Variants in KIF24 observed in about 807,000 individuals in gnomAD.
KIF24 encodes the protein kinesin family member 24.
A neutral mutation model predicts 118.9 loss-of-function variants in KIF24; 81 were observed. The observed-to-expected ratio is 0.68, with a 90% CI of 0.57 to 0.82. KIF24 has a LOEUF of 0.82. Among genes scored for constraint, KIF24 ranks in the 40% least tolerant of loss-of-function variants. The pLI is 0.00. For synonymous variants in KIF24, 599 were observed against 610.0 expected (o/e 0.98, Z 0.27); for missense variants, 1,560 against 1,661.6 (o/e 0.94, Z 1.06).
chr9:34,318,454 G>A lies in KIF24; in HGVS notation c.-25-7083C>T. On this transcript the variant is annotated intron_variant, in intron 1 of 12. Coordinates refer to ENST00000402558, the MANE Select transcript of KIF24 (RefSeq NM_194313.4). The surrounding 1 kb of genome is among the most constrained non-coding windows in gnomAD (Gnocchi z 4.9). Reference sequence around the variant, plus strand: ...CCTTCTGCCTCCTGGCGGTGGCCTTGGCGACCGAGGTGAAGAAACCTGCAG... The same window carrying A: ...CCTTCTGCCTCCTGGCGGTGGCCTTAGCGACCGAGGTGAAGAAACCTGCAG... 1 of 733,074 alleles carries A rather than the reference G, an allele frequency of 1.4e-6. No individual in the cohort carries two copies. The highest frequency in any genetic ancestry group is 2.4e-6 in the Non-Finnish European group (1 of 412,754). The allele number at this position is 733,074 out of a possible 1,614,324, so 45.4% of individuals were successfully genotyped here.
In KIF24 at chr9:34,290,374, G is replaced by A. The variant is rs765734260; in HGVS notation, c.927C>T (p.Cys309=). The A allele has an allele frequency of 6.2e-7, 1 of 1,608,696 alleles. No individual in the cohort carries two copies. Among genetic ancestry groups the A allele is most frequent in the Non-Finnish European group, 8.5e-7 (1 of 1,175,520 alleles). ...QHIFNGGNAT[C]FAYGQTGAGK... ...CAGCACCTGTCTGTCCATAAGCAAA[G>A]CAAGTGGCATTGCCTCTGGGGAAAG... The change falls in exon 5 of 13, where the codon TGC becomes TGT. Residue 309 remains cysteine (C), a synonymous_variant. Transcript: ENST00000402558.
At chr9:34,285,396 G>A (rs1478860001) in intron 6 of KIF24, among the ~76,000 whole-genome samples, 1 of 152,086 alleles carries the variant, frequency 6.6e-6, no homozygotes, top group African/African-American at 2.4e-5. Context: ...AAGAGGCCAA[G>A]GTGAGAGGAC....
chr9:34,307,053 C>T (rs138655547), intron 2 of KIF24, among the ~76,000 whole-genome samples: 91 of 152,184 alleles, frequency 6.0e-4, no homozygotes, highest in African/African-American at 2.1e-3. Context: ...ATTTCCTTAG[C>T]CCTCCAACTG....
At chr9:34,287,295 G>A (rs551664048) in intron 5 of KIF24, among the ~76,000 whole-genome samples, 1 of 152,324 alleles carries the variant, frequency 6.6e-6, no homozygotes, top group East Asian at 1.9e-4. Flanking sequence ...CCAGTTATTT[G>A]AGCCAATGAT....
chr9:34,313,456 A>AT (rs1356401875), intron 1 of KIF24, among the ~76,000 whole-genome samples: 13 of 149,616 alleles, frequency 8.7e-5, no homozygotes, highest in Non-Finnish European at 1.9e-4. Flanking sequence ...AATAATAATA[A>AT]TTTTTTAAAA....
intron 1 of KIF24, among the ~76,000 whole-genome samples, chr9:34,326,696 AAGG>A (rs1241684504): frequency 2.0e-5 from 3 of 152,186 alleles, no homozygotes; most frequent in South Asian, 4.1e-4. Flanking sequence ...AGTAGGTGAG[AAGG>A]AGAATAGTAT....
chr9:34,280,268 G>C (rs10814089), intron 6 of KIF24, among the ~76,000 whole-genome samples: 1 of 132,102 alleles, frequency 7.6e-6, no homozygotes, highest in African/African-American at 3.0e-5. Context: ...TGGGCGACAG[G>C]GCGAGACTCC....
rs111737858 is a variant in KIF24, at chr9:34,318,673, G to A, written c.-25-7302C>T. 7.0e-4 allele frequency: 1,080 copies of A among 1,541,204 alleles called. 9 individuals carry two copies. In the African/African-American group the frequency reaches 0.013, roughly 18 times the overall value. ...CGCTGGGCGGCAAGGCGACCACGGC[G>A]TCGGAGGCCAAGGCAGTGCTGAGTG... On this transcript the variant is annotated intron_variant, in intron 1 of 12. Coordinates refer to ENST00000402558, the MANE Select transcript of KIF24 (RefSeq NM_194313.4). This position sits in a 1 kb window ranked among gnomAD's most constrained non-coding sequence, Gnocchi z 4.9.
At chr9:34,262,635 T>C in intron 9 of KIF24, among the ~76,000 whole-genome samples, 2 of 89,934 alleles carry the variant, frequency 2.2e-5, no homozygotes, top group African/African-American at 9.8e-5. Context: ...GGTGAAACCC[T>C]GTCTCTACCA....
At chr9:34,307,880 G>C (rs934416142) in intron 2 of KIF24, among the ~76,000 whole-genome samples, 1 of 130,724 alleles carries the variant, frequency 7.6e-6, no homozygotes, top group Non-Finnish European at 1.7e-5. Flanking sequence ...AAAAAAAAAA[G>C]AAAAAAGAAA....
In KIF24 at chr9:34,318,951, G is replaced by A. The variant is rs1238512346; in HGVS notation, c.-25-7580C>T. 2.7e-6 allele frequency: 4 copies of A among 1,491,348 alleles called. No homozygotes were observed. The highest frequency in any genetic ancestry group is 3.7e-6 in the Non-Finnish European group (4 of 1,074,890). 92.4% of individuals were successfully genotyped at this position (1,491,348 alleles called of 1,614,324 possible). ...GAGTGGGCCGTGCAGACCACCGACG[G>A]CAAGCTGCCCAAGGTCACCAAGGAC... is the stretch of plus-strand genomic sequence containing the variant. On this transcript the variant is annotated intron_variant, in intron 1 of 12. Coordinates refer to ENST00000402558, the MANE Select transcript of KIF24 (RefSeq NM_194313.4). This position sits in a 1 kb window ranked among gnomAD's most constrained non-coding sequence, Gnocchi z 4.9.
In KIF24 at chr9:34,271,908, T is replaced by A. The variant is rs774207912; in HGVS notation, c.1238A>T (p.Glu413Val). ...LLEVILKGSK[E>V]RSTGATGVNA... ...AACTCCAGTGGCCCCAGTGCTGCGCTCCTTGCTGCCCTTTAAGATCACCTG... is the reference window on the plus strand; with the variant it reads ...AACTCCAGTGGCCCCAGTGCTGCGCACCTTGCTGCCCTTTAAGATCACCTG... The change falls in exon 7 of 13, where the codon GAG (glutamate) becomes GTG (valine). Residue 413 changes from glutamate (E) to valine (V), a missense_variant. Physicochemically the swap from Glu to Val is moderately radical, Grantham distance 121. Coordinates refer to ENST00000402558, the MANE Select transcript of KIF24 (RefSeq NM_194313.4). The A allele has an allele frequency of 5.0e-6, 8 of 1,601,934 alleles. No homozygotes were observed. In the Admixed American group the frequency reaches 1.0e-4, roughly 21 times the overall value.
chr9:34,286,139 G>C (rs1478908775), intron 6 of KIF24, among the ~76,000 whole-genome samples: 2 of 151,526 alleles, frequency 1.3e-5, no homozygotes, highest in Non-Finnish European at 2.9e-5. Flanking sequence ...TTCAAGACCA[G>C]CCTGGCCAAC....
At chr9:34,272,735 G>A (rs574794669) in intron 6 of KIF24, among the ~76,000 whole-genome samples, 5 of 152,254 alleles carry the variant, frequency 3.3e-5, no homozygotes, top group African/African-American at 4.8e-5. Context: ...AGGTACTCCC[G>A]GCTCAGCCTC....
At chr9:34,294,706 C>T (rs1378106972) in intron 4 of KIF24, among the ~76,000 whole-genome samples, 2 of 152,148 alleles carry the variant, frequency 1.3e-5, no homozygotes, top group African/African-American at 2.4e-5. Flanking sequence ...ACAACATGTA[C>T]TAATATAAAA....
chr9:34,306,585 G>C (rs1482285010), intron 2 of KIF24, 144 bp from the exon 3 acceptor site: 1 of 541,462 alleles, frequency 1.8e-6, no homozygotes, highest in African/African-American at 1.9e-5. Context: ...GGCGGATCAC[G>C]ATGTCAGGAG....
chr9:34,255,007 T>TG lies in KIF24; in HGVS notation c.3966+64dup, dbSNP rs1288796393. Reference sequence around the variant, plus strand: ...CACACACAGCCACAGCAAACAAGGATGACCATCAAATTAGCTGCAGGCTAA... The same window carrying TG: ...CACACACAGCCACAGCAAACAAGGATGGACCATCAAATTAGCTGCAGGCTAA... On this transcript the variant is annotated intron_variant, in intron 12 of 12. Coordinates refer to ENST00000402558, the MANE Select transcript of KIF24 (RefSeq NM_194313.4). 37 of 1,105,852 alleles carry TG rather than the reference T, an allele frequency of 3.3e-5. 2 individuals carry two copies. The African/African-American group carries it at 3.4e-4, about 10-fold the overall frequency. 68.5% of individuals were successfully genotyped at this position (1,105,852 alleles called of 1,614,324 possible).
chr9:34,286,425 G>A (rs1053873306), intron 6 of KIF24, among the ~76,000 whole-genome samples, 192 bp downstream of exon 6: 8 of 152,232 alleles, frequency 5.3e-5, no homozygotes, highest in East Asian at 1.9e-4. Flanking sequence ...CCCACTAATC[G>A]TGGGAGAAAC....
intron 6 of KIF24, among the ~76,000 whole-genome samples, chr9:34,281,177 C>A (rs956840039): frequency 7.2e-5 from 11 of 152,274 alleles, no homozygotes; most frequent in African/African-American, 1.2e-4. Flanking sequence ...AAGCGCCCAC[C>A]ACCATACCCG....
Sources: gnomAD v4.1 joint callset for allele counts (sites outside exome capture counted in the v4.1 genomes callset) on GRCh38, gnomAD v4.1.1 for gene constraint, Gnocchi (gnomAD v3.1) non-coding constraint, MANE v1.5 for transcripts, NCBI Gene and HGNC (gene_info 2026-07-23, HGNC 2026-07-21) for gene names.